HMCN1: variants seen among roughly 807,000 people sequenced by gnomAD.
HMCN1 encodes hemicentin 1.
A neutral mutation model predicts 625.9 loss-of-function variants in HMCN1; 321 were observed. The observed-to-expected ratio is 0.51, with a 90% CI of 0.47 to 0.56. The LOEUF (loss-of-function observed/expected upper bound fraction) is 0.56. HMCN1 is among the 20% of genes least tolerant of loss of function. The pLI is 0.00. For missense variants in HMCN1, 6,588 were observed against 6,887.3 expected (o/e 0.96, Z 1.54); for synonymous variants, 2,425 against 2,417.6 (o/e 1.00, Z -0.09).
At chr1:185,778,257 G>C (rs1271143596) in intron 1 of HMCN1, among the ~76,000 whole-genome samples, 4 of 152,096 alleles carry the variant, frequency 2.6e-5, no homozygotes, top group Non-Finnish European at 5.9e-5. Context: ...AGTTCACAGA[G>C]GTATGGGGAC....
chr1:185,986,901 T>G (rs1571667730), intron 19 of HMCN1, among the ~76,000 whole-genome samples: 1 of 151,548 alleles, frequency 6.6e-6, no homozygotes, highest in East Asian at 1.9e-4. Flanking sequence ...GATTTGAGTT[T>G]TACCAATGAA....
In HMCN1 at chr1:185,933,594, C is replaced by T. The variant is rs1667663069; in HGVS notation, c.1598C>T (p.Pro533Leu). Residue 533 changes from proline (P) to leucine (L), a missense_variant, in exon 11 of 107, where the codon CCT becomes CTT. Around this residue, in one of 3 missense-constraint regions of HMCN1, gnomAD observed 4,628 missense variants for 4,853.1 expected, o/e 0.95. Transcript: ENST00000271588. ...IQVPNNVTVTPGERAVLTCLI... is the reference protein window; with the variant it reads ...IQVPNNVTVTLGERAVLTCLI... ...GTGCCTAACAATGTTACAGTCACTC[C>T]TGGAGAGAGAGCAGTTTTAACATGT... The T allele has an allele frequency of 6.2e-7, 1 of 1,613,826 alleles. No individual in the cohort carries two copies. The highest frequency in any genetic ancestry group is 1.7e-5 in the Admixed American group (1 of 59,940).
At chr1:185,979,523 T>C (rs1478006291) in intron 16 of HMCN1, among the ~76,000 whole-genome samples, 2 of 152,192 alleles carry the variant, frequency 1.3e-5, no homozygotes, top group Non-Finnish European at 2.9e-5. Flanking sequence ...GGAAGGAAAT[T>C]AGTAATTAGA....
In HMCN1 at chr1:185,997,994, A is replaced by G. The variant is rs375770548; in HGVS notation, c.3874+470A>G. Among the ~76,000 whole-genome samples, 3 of 152,114 alleles carry G rather than the reference A, an allele frequency of 2.0e-5. No individual in the cohort carries two copies. The South Asian group carries it at 6.2e-4, about 32-fold the overall frequency. On this transcript the variant is annotated intron_variant, in intron 25 of 106. Coordinates refer to ENST00000271588, the MANE Select transcript of HMCN1 (RefSeq NM_031935.3). Reference sequence around the variant, plus strand: ...TGGTAATTCTAGGGCCAGCTTGTAAATTGTCACTTGGAGGTTTATTCAAGC... The same window carrying G: ...TGGTAATTCTAGGGCCAGCTTGTAAGTTGTCACTTGGAGGTTTATTCAAGC...
chr1:186,187,790 C>T, intron 105 of HMCN1, 93 bp from the exon 106 acceptor site: 1 of 1,532,528 alleles, frequency 6.5e-7, no homozygotes, highest in South Asian at 1.1e-5. Flanking sequence ...AAGGCTAGCC[C>T]TCCACATTCT....
intron 1 of HMCN1, among the ~76,000 whole-genome samples, chr1:185,817,427 A>G (rs60134058): frequency 0.058 from 8,895 of 152,162 alleles, 881 homozygotes; most frequent in African/African-American, 0.2. Flanking sequence ...AATAAGCAGA[A>G]AGATTGGGCC....
chr1:186,182,076 A>G, intron 104 of HMCN1, 92 bp from the exon 105 acceptor site: 2 of 1,413,760 alleles, frequency 1.4e-6, no homozygotes, highest in Non-Finnish European at 1.0e-6. Flanking sequence ...AAGTTTTTCT[A>G]ATGTATATCA....
chr1:185,912,093 C>G (rs547725719), intron 6 of HMCN1, among the ~76,000 whole-genome samples: 108 of 152,252 alleles, frequency 7.1e-4, no homozygotes, highest in African/African-American at 2.5e-3. Context: ...GGAGCCAACA[C>G]AGAATAACGG....
chr1:185,741,274 A>G (rs932793726), intron 1 of HMCN1, among the ~76,000 whole-genome samples: 1 of 152,186 alleles, frequency 6.6e-6, no homozygotes, highest in Non-Finnish European at 1.5e-5. Context: ...ATGGACTAAG[A>G]CAAGTAAATA....
rs567734380 is a variant in HMCN1, at chr1:186,140,916, G to A, written c.13924+2944G>A. Among the ~76,000 whole-genome samples, 88 of 152,164 alleles carry A rather than the reference G, an allele frequency of 5.8e-4. 1 individual carries two copies. The highest frequency in any genetic ancestry group is 4.9e-4 in the Non-Finnish European group (33 of 68,000). ...TTTTCTACAGATCGAGGGTTGGGGG[G>A]ATGGCTTCAGGATGATTCAAGCACA... On this transcript the variant is annotated intron_variant, in intron 89 of 106. Coordinates refer to ENST00000271588, the MANE Select transcript of HMCN1 (RefSeq NM_031935.3).
At chr1:185,808,249 C>A (rs192979525) in intron 1 of HMCN1, among the ~76,000 whole-genome samples, 2 of 151,824 alleles carry the variant, frequency 1.3e-5, no homozygotes, top group African/African-American at 4.8e-5. Flanking sequence ...TGGGGCACTG[C>A]GGCACGAGAA....
chr1:185,886,541 A>G (rs1222177950), intron 4 of HMCN1, among the ~76,000 whole-genome samples: 1 of 151,942 alleles, frequency 6.6e-6, no homozygotes, highest in Non-Finnish European at 1.5e-5. Context: ...ATATATATTC[A>G]GATTTTCTCA....
At chr1:186,040,342 C>A (rs576407241) in intron 39 of HMCN1, among the ~76,000 whole-genome samples, 1 of 151,760 alleles carries the variant, frequency 6.6e-6, no homozygotes. Context: ...TAAAACATCA[C>A]GAGAAATAAA....
intron 5 of HMCN1, 29 bp from the exon 6 acceptor site, chr1:185,911,645 G>C: frequency 6.9e-7 from 1 of 1,448,932 alleles, no homozygotes; most frequent in South Asian, 1.1e-5. Flanking sequence ...GAAGGATTGT[G>C]CTTGTTACCT....
intron 48 of HMCN1, among the ~76,000 whole-genome samples, chr1:186,063,983 G>A (rs537707453): frequency 2.0e-5 from 3 of 152,248 alleles, no homozygotes; most frequent in Non-Finnish European, 4.4e-5. Context: ...TTTAAAGGAA[G>A]ATTCAATGAG....
intron 91 of HMCN1, 62 bp downstream of exon 91, chr1:186,144,765 T>A: frequency 6.3e-7 from 1 of 1,576,782 alleles, no homozygotes; most frequent in South Asian, 1.1e-5. Context: ...TGACTGTAAT[T>A]CCTTAAAGTT....
chr1:185,951,750 C>T (rs1030335384), intron 11 of HMCN1, among the ~76,000 whole-genome samples: 18 of 151,894 alleles, frequency 1.2e-4, no homozygotes, highest in African/African-American at 2.9e-4. Flanking sequence ...GCCAGATTTC[C>T]GGCACGTGTA....
In HMCN1 at chr1:185,900,674, A is replaced by G. The variant is rs74134360; in HGVS notation, c.622-8663A>G. On this transcript the variant is annotated intron_variant, in intron 4 of 106. Coordinates refer to ENST00000271588, the MANE Select transcript of HMCN1 (RefSeq NM_031935.3). Reference sequence around the variant, plus strand: ...CCAATGCACTATTATATGCTCTATTATATGACATTTGAATGTATACTTCCT... The same window carrying G: ...CCAATGCACTATTATATGCTCTATTGTATGACATTTGAATGTATACTTCCT... Among the ~76,000 whole-genome samples, 1,188 of 152,034 alleles carry G rather than the reference A, an allele frequency of 7.8e-3. 15 individuals are homozygous for G. Among genetic ancestry groups the G allele is most frequent in the African/African-American group, 0.026 (1,070 of 41,522 alleles).
In HMCN1 at chr1:186,103,522, G is replaced by A. The variant is rs978445494; in HGVS notation, c.10624G>A (p.Val3542Ile). 2 of 1,613,716 alleles carry A rather than the reference G, an allele frequency of 1.2e-6. No individual in the cohort carries two copies. The highest frequency in any genetic ancestry group is 3.3e-5 in the Admixed American group (2 of 59,978). The change falls in exon 69 of 107, where the codon GTT becomes ATT. Residue 3542 changes from valine to isoleucine, a missense_variant. By Grantham distance (29) the Val-to-Ile change is conservative (BLOSUM62 3). Coordinates refer to ENST00000271588, the MANE Select transcript of HMCN1 (RefSeq NM_031935.3). ...AGAACATGAAGAGATATCAGTAATT[G>A]TTAATAACCCACTTGAACTTACCTG... ...SEEHEEISVI[V>I]NNPLELTCIA... is the part of the protein sequence containing the mutation.
Sources: allele counts gnomAD v4.1 joint callset (sites outside exome capture counted in the v4.1 genomes callset), GRCh38; gene constraint gnomAD v4.1.1; regional missense constraint gnomAD v4.1.1; transcripts MANE v1.5; gene names NCBI Gene and HGNC (gene_info 2026-07-23, HGNC 2026-07-21).